The following HSPA12A variants were observed in gnomAD, a reference collection of about 807,000 sequenced individuals.
HSPA12A encodes heat shock 70 kDa protein 12A.
In HSPA12A, 28 loss-of-function variants were observed where a neutral mutation model predicts 69.2. The observed-to-expected ratio is 0.40, with a 90% CI of 0.30 to 0.55. HSPA12A has a LOEUF of 0.55. HSPA12A is among the 20% of genes least tolerant of loss of function. The pLI, the probability that HSPA12A is intolerant of heterozygous loss-of-function variation, is 0.38. For missense variants in HSPA12A, 686 were observed against 900.7 expected, an observed-to-expected ratio of 0.76 and a Z score of 3.05; for synonymous variants, 345 against 370.5, an observed-to-expected ratio of 0.93 and a Z score of 0.79.
intron 2 of HSPA12A, among the ~76,000 whole-genome samples, chr10:116,825,186 CAAA>C (rs34479568): frequency 8.0e-6 from 1 of 124,960 alleles, no homozygotes. Flanking sequence ...GACCTTGTCT[CAAA>C]AAAAAAAAAA....
upstream of HSPA12A, chr10:116,850,237 G>A (rs1314151337): frequency 9.5e-6 from 2 of 209,870 alleles, no homozygotes; most frequent in Non-Finnish European, 1.9e-5. Flanking sequence ...GTTAATATCT[G>A]ACCAGCCCCG....
intron 4 of HSPA12A, among the ~76,000 whole-genome samples, chr10:116,699,167 T>C (rs1850006420): frequency 6.6e-6 from 1 of 152,170 alleles, no homozygotes. Context: ...CCCACTGCCA[T>C]CCACGATGCT....
chr10:116,731,974 G>A (rs1159652123), intron 1 of HSPA12A, among the ~76,000 whole-genome samples: 2 of 152,116 alleles, frequency 1.3e-5, no homozygotes, highest in Non-Finnish European at 2.9e-5. Flanking sequence ...CCCTAAAGAT[G>A]GGAAGCAATC....
intron 2 of HSPA12A, among the ~76,000 whole-genome samples, chr10:116,784,952 G>A (rs1844545813): frequency 6.6e-6 from 1 of 152,198 alleles, no homozygotes; most frequent in Admixed American, 6.5e-5. Context: ...GCCAACAGGA[G>A]AAACCAGAGA....
At chr10:116,809,739 G>A (rs955831223) in intron 2 of HSPA12A, among the ~76,000 whole-genome samples, 1 of 152,208 alleles carries the variant, frequency 6.6e-6, no homozygotes, top group Non-Finnish European at 1.5e-5. Flanking sequence ...GCCTCTCCAG[G>A]CCTGTCCCCA....
intron 5 of HSPA12A, among the ~76,000 whole-genome samples, chr10:116,695,673 A>G (rs1478972384): frequency 1.3e-5 from 2 of 151,872 alleles, no homozygotes; most frequent in Admixed American, 6.6e-5. Flanking sequence ...AAAATTAGCC[A>G]GGCATGGTGG....
At chr10:116,824,951 G>A (rs1057152553) in intron 2 of HSPA12A, among the ~76,000 whole-genome samples, 9 of 151,410 alleles carry the variant, frequency 5.9e-5, no homozygotes, top group Non-Finnish European at 1.2e-4. Context: ...ACTTTGGAAG[G>A]CCGAGGCAGG....
At position 116,825,696 on chromosome 10, in the gene HSPA12A, A is replaced by C. The variant is rs568464311; in HGVS notation, c.91+9239T>G. 2.6e-5 allele frequency among the ~76,000 whole-genome samples: 4 copies of C among 152,248 alleles called. No individual in the cohort carries two copies. The South Asian group carries it at 8.3e-4, about 32-fold the overall frequency. The stretch of plus-strand genomic sequence containing the variant: ...CAACTAATGGTTTCCCAGGGCTGGG[A>C]TTGGTGGGGGAAACGAGGAGTGGCT... On this transcript the variant is annotated intron_variant, in intron 2 of 12. Coordinates refer to the HSPA12A transcript ENST00000635765.
chr10:116,840,956 A>G (rs1201651991), intron 1 of HSPA12A, among the ~76,000 whole-genome samples: 1 of 152,194 alleles, frequency 6.6e-6, no homozygotes, highest in Non-Finnish European at 1.5e-5. Flanking sequence ...GCACTTTGGT[A>G]GCTCCGGTAA....
At chr10:116,818,346 T>C (rs1049063582) in intron 2 of HSPA12A, among the ~76,000 whole-genome samples, 23 of 152,042 alleles carry the variant, frequency 1.5e-4, no homozygotes, top group Non-Finnish European at 2.9e-5. Context: ...TACCCTGTGG[T>C]GGTGTCCCAG....
At chr10:116,827,692 A>C (rs1438952478) in intron 2 of HSPA12A, 2 of 152,310 alleles carry the variant, frequency 1.3e-5, no homozygotes, top group African/African-American at 2.4e-5. Flanking sequence ...ATGTGGGACA[A>C]ACTGGGTGAC....
At chr10:116,704,026 C>A (rs913065803) in intron 3 of HSPA12A, among the ~76,000 whole-genome samples, 1 of 152,158 alleles carries the variant, frequency 6.6e-6, no homozygotes, top group Non-Finnish European at 1.5e-5. Context: ...ACTGTAAACT[C>A]GTTCAACCAT....
intron 1 of HSPA12A, among the ~76,000 whole-genome samples, chr10:116,837,555 C>T (rs896916774): frequency 1.3e-5 from 2 of 152,120 alleles, no homozygotes; most frequent in Non-Finnish European, 2.9e-5. Context: ...TCTGAAAAAG[C>T]CGTAGAACTT....
chr10:116,708,114 G>A (rs1346755841), intron 1 of HSPA12A: 1 of 152,132 alleles, frequency 6.6e-6, no homozygotes, highest in East Asian at 1.9e-4. Flanking sequence ...GGCCCCCCGG[G>A]AGAAAAAACA....
At chr10:116,805,312 T>A (rs760988975) in intron 2 of HSPA12A, among the ~76,000 whole-genome samples, 1 of 151,938 alleles carries the variant, frequency 6.6e-6, no homozygotes, top group Non-Finnish European at 1.5e-5. Flanking sequence ...AGAGACTCCA[T>A]CGCAAAAAAA....
chr10:116,845,380 T>C lies in HSPA12A; in HGVS notation c.3+4186A>G, dbSNP rs192740613. 3.3e-3 allele frequency among the ~76,000 whole-genome samples: 496 copies of C among 152,310 alleles called. 1 individual carries two copies. Among genetic ancestry groups the C allele is most frequent in the Non-Finnish European group, 4.5e-3 (307 of 68,018 alleles). ...ATCTCTTTTTACTGACATAGATGGA[T>C]CTTAGGGGCAACTGGGATTCCACCT... is the stretch of plus-strand genomic sequence containing the variant. On this transcript the variant is annotated intron_variant, in intron 1 of 12. Coordinates refer to the HSPA12A transcript ENST00000635765.
intron 3 of HSPA12A, 124 bp downstream of exon 3, chr10:116,705,027 G>C (rs564288278): frequency 1.2e-5 from 15 of 1,211,690 alleles, no homozygotes; most frequent in Admixed American, 2.2e-5. Flanking sequence ...TGGTGAGCTT[G>C]AGCCAAGCTG....
chr10:116,710,249 C>T lies in HSPA12A; in HGVS notation c.41-2964G>A, dbSNP rs1850382282. On this transcript the variant is annotated intron_variant, in intron 1 of 11. Coordinates refer to ENST00000369209, the MANE Select transcript of HSPA12A (RefSeq NM_025015.3). This position sits in a 1 kb window ranked among gnomAD's most constrained non-coding sequence, Gnocchi z 4.1. ...CACCTGCTACCTGGAAGGCCTGCGC[C>T]ATGTGTCCACATTTGCACAGACGGT... 2.6e-5 allele frequency among the ~76,000 whole-genome samples: 4 copies of T among 152,210 alleles called. No individual in the cohort carries two copies. The highest frequency in any genetic ancestry group is 7.2e-5 in the African/African-American group (3 of 41,454).
At chr10:116,773,173 G>C (rs1554890684) in intron 2 of HSPA12A, among the ~76,000 whole-genome samples, 1 of 152,240 alleles carries the variant, frequency 6.6e-6, no homozygotes, top group Non-Finnish European at 1.5e-5. Flanking sequence ...CAGCAGGCAA[G>C]GTCCCAGGGA....
Sources: allele counts gnomAD v4.1 joint callset (sites outside exome capture counted in the v4.1 genomes callset), GRCh38; gene constraint gnomAD v4.1.1; non-coding constraint Gnocchi (gnomAD v3.1); transcripts MANE v1.5; gene names NCBI Gene and HGNC (gene_info 2026-07-23, HGNC 2026-07-21).